The following KTN1 variants were observed in gnomAD, a reference collection of about 807,000 sequenced individuals.
The protein encoded by KTN1 is kinectin 1.
KTN1 carries 130 observed loss-of-function variants against 222.5 expected under a neutral mutation model. The ratio of observed to expected loss-of-function variants is 0.58; its 90% CI spans 0.51 to 0.68. The LOEUF is 0.68. Among genes scored for constraint, KTN1 ranks in the 30% least tolerant of loss-of-function variants. The pLI is 0.00. For synonymous variants in KTN1, 512 were observed against 496.3 expected, an observed-to-expected ratio of 1.03 and a Z score of -0.42; for missense variants, 1,508 against 1,500.4, an observed-to-expected ratio of 1.01 and a Z score of -0.08.
intron 1 of KTN1, among the ~76,000 whole-genome samples, chr14:55,592,934 A>G (rs1379139925): frequency 6.6e-6 from 1 of 151,742 alleles, no homozygotes; most frequent in Non-Finnish European, 1.5e-5. Flanking sequence ...CTTTTGCTAG[A>G]CCTGTCTTGG....
chr14:55,630,313 C>T (rs1275088412), intron 7 of KTN1, among the ~76,000 whole-genome samples: 2 of 151,876 alleles, frequency 1.3e-5, no homozygotes, highest in South Asian at 4.2e-4. Flanking sequence ...TAAGTATTGG[C>T]GACTTTAGAG....
intron 17 of KTN1, 56 bp from the exon 18 acceptor site, chr14:55,641,636 A>C: frequency 9.2e-7 from 1 of 1,083,904 alleles, no homozygotes; most frequent in East Asian, 2.4e-5. Context: ...CATTCAAATG[A>C]TTGCTTTATT....
chr14:55,636,886 AAC>A, intron 10 of KTN1, among the ~76,000 whole-genome samples: 1 of 151,968 alleles, frequency 6.6e-6, no homozygotes, highest in African/African-American at 2.4e-5. Context: ...TGAAGAGAAA[AAC>A]AGAGCATTAC....
chr14:55,621,680 C>T (rs571295297), intron 5 of KTN1, among the ~76,000 whole-genome samples: 18 of 152,112 alleles, frequency 1.2e-4, no homozygotes, highest in South Asian at 4.2e-4. Flanking sequence ...TCCCACGGCA[C>T]GTGGGAATTA....
At chr14:55,629,670 T>G (rs940565457) in intron 6 of KTN1, among the ~76,000 whole-genome samples, 5 of 152,232 alleles carry the variant, frequency 3.3e-5, no homozygotes, top group African/African-American at 7.2e-5. Flanking sequence ...ATGTAGGATT[T>G]ATTCTAGGTT....
At chr14:55,632,502 A>G (rs2040642310) in intron 7 of KTN1, among the ~76,000 whole-genome samples, 1 of 152,128 alleles carries the variant, frequency 6.6e-6, no homozygotes, top group South Asian at 2.1e-4. Flanking sequence ...TAGAAGAAGA[A>G]AGTTAGAGTG....
chr14:55,672,586 T>C, intron 37 of KTN1, 44 bp from the exon 38 acceptor site: 1 of 1,189,682 alleles, frequency 8.4e-7, no homozygotes, highest in Non-Finnish European at 1.2e-6. Context: ...AACTGCTATA[T>C]CCTTGGTGGT....
intron 7 of KTN1, among the ~76,000 whole-genome samples, chr14:55,631,341 G>GATTGAGATAT (rs1555371423): frequency 3.5e-5 from 4 of 114,718 alleles, no homozygotes; most frequent in Non-Finnish European, 5.2e-5. Context: ...TGATAAGGTT[G>GATTGAGATAT]ATATATATAT....
intron 18 of KTN1, among the ~76,000 whole-genome samples, chr14:55,645,537 C>G (rs532565711): frequency 2.3e-4 from 35 of 152,254 alleles, no homozygotes; most frequent in African/African-American, 8.2e-4. Context: ...AGTGTTATGT[C>G]TTTTTGTGAG....
At chr14:55,661,316 G>A in intron 31 of KTN1, 1 of 447,970 alleles carries the variant, frequency 2.2e-6, no homozygotes, top group South Asian at 4.1e-5. Context: ...TACCATATTA[G>A]GCATAAAAAC....
At chr14:55,666,328 C>T (rs935483019) in intron 33 of KTN1, among the ~76,000 whole-genome samples, 2 of 151,830 alleles carry the variant, frequency 1.3e-5, no homozygotes, top group African/African-American at 4.8e-5. Flanking sequence ...ATGTTTCTAG[C>T]TTGCTTGCCT....
In KTN1 at chr14:55,597,788, A is replaced by T. The variant is rs1012697819; in HGVS notation, c.-30-14231A>T. ...AGAATCATTTGAGCCCGGGAGGGGGAGGATGCAGTGAGCTGAGATCGTGCC... is the reference window on the plus strand; with the variant it reads ...AGAATCATTTGAGCCCGGGAGGGGGTGGATGCAGTGAGCTGAGATCGTGCC... On this transcript the variant is annotated intron_variant, in intron 1 of 43. Transcript: ENST00000395314. Among the ~76,000 whole-genome samples, 16 of 152,044 alleles carry T rather than the reference A, an allele frequency of 1.1e-4. 1 individual carries two copies. The East Asian group carries it at 3.1e-3, about 29-fold the overall frequency.
rs760688320 is a variant in KTN1 at position 55,648,752 on chromosome 14, A to G, written c.2299-50A>G. Reference sequence around the variant, plus strand: ...AAACTAATGTATTTTGAAGCTAGCTATATTTTTCAGAGAGTAAAATCATGT... The same window carrying G: ...AAACTAATGTATTTTGAAGCTAGCTGTATTTTTCAGAGAGTAAAATCATGT... On this transcript the variant is annotated intron_variant, in intron 20 of 43. Transcript: ENST00000395314. The G allele has an allele frequency of 1.8e-5, 22 of 1,213,320 alleles. No individual in the cohort carries two copies. In the East Asian group the frequency reaches 4.2e-4, roughly 23 times the overall value. The allele number at this position is 1,213,320 out of a possible 1,614,324, so 75.2% of individuals were successfully genotyped here.
chr14:55,604,695 C>T (rs2036482345), intron 1 of KTN1, among the ~76,000 whole-genome samples: 1 of 152,096 alleles, frequency 6.6e-6, no homozygotes, highest in African/African-American at 2.4e-5. Flanking sequence ...CTAGAGCAGT[C>T]CTGACATATG....
intron 1 of KTN1, among the ~76,000 whole-genome samples, chr14:55,594,773 T>G (rs1233735240): frequency 6.6e-6 from 1 of 152,208 alleles, no homozygotes; most frequent in Admixed American, 6.5e-5. Flanking sequence ...ATAAACAAGT[T>G]GAAAGTAAAT....
At chr14:55,590,970 G>A (rs570917600) in intron 1 of KTN1, among the ~76,000 whole-genome samples, 5 of 152,228 alleles carry the variant, frequency 3.3e-5, no homozygotes, top group African/African-American at 1.2e-4. Context: ...CACCATGCCC[G>A]GCCCAGGATA....
At chr14:55,631,452 T>C (rs1286731373) in intron 7 of KTN1, among the ~76,000 whole-genome samples, 1 of 151,408 alleles carries the variant, frequency 6.6e-6, no homozygotes, top group African/African-American at 2.4e-5. Context: ...ATCCTGTGAC[T>C]TTTCTCTGCC....
At chr14:55,609,925 A>C (rs995045045) in intron 1 of KTN1, among the ~76,000 whole-genome samples, 1 of 152,208 alleles carries the variant, frequency 6.6e-6, no homozygotes, top group Non-Finnish European at 1.5e-5. Flanking sequence ...CTGGTTGACG[A>C]ATCACACTTA....
chr14:55,636,636 A>G (rs2041154766), intron 10 of KTN1, 100 bp downstream of exon 10: 1 of 745,574 alleles, frequency 1.3e-6, no homozygotes, highest in Non-Finnish European at 2.2e-6. Context: ...CATTTTGGTT[A>G]TAGCTCAATA....
Sources: gnomAD v4.1 joint callset for allele counts (sites outside exome capture counted in the v4.1 genomes callset) on GRCh38, gnomAD v4.1.1 for gene constraint, MANE v1.5 for transcripts, NCBI Gene and HGNC (gene_info 2026-07-23, HGNC 2026-07-21) for gene names.